Variants in CELF2 observed in about 807,000 individuals in gnomAD.
CELF2 encodes CUGBP Elav-like family member 2.
A neutral mutation model predicts 62.6 loss-of-function variants in CELF2; 8 were observed. The observed-to-expected ratio is 0.13, with a 90% CI of 0.07 to 0.23. CELF2 has a LOEUF of 0.23. Among genes scored for constraint, CELF2 ranks in the 10% least tolerant of loss-of-function variants. The pLI, the probability that CELF2 is intolerant of heterozygous loss-of-function variation, is 1.00. For missense variants in CELF2, 333 were observed against 671.0 expected (o/e 0.50, Z 5.56); for synonymous variants, 258 against 250.0 (o/e 1.03, Z -0.30).
upstream of CELF2, among the ~76,000 whole-genome samples, chr10:11,002,469 G>A (rs2054613570): frequency 6.6e-6 from 1 of 152,170 alleles, no homozygotes; most frequent in Non-Finnish European, 1.5e-5. The surrounding 1 kb of genome is among the most constrained non-coding windows in gnomAD (Gnocchi z 4.4). Flanking sequence ...ATGCTTTGCT[G>A]GGGCGAGTAT....
the CELF2 span, among the ~76,000 whole-genome samples, chr10:10,585,866 A>T: frequency 1.9e-4 from 29 of 152,300 alleles, no homozygotes; most frequent in African/African-American, 5.3e-4. Context: ...AAAATTTAGC[A>T]TGACTGTTTA....
At chr10:11,216,296 G>C (rs1331884761) in intron 2 of CELF2, among the ~76,000 whole-genome samples, 1 of 152,210 alleles carries the variant, frequency 6.6e-6, no homozygotes, top group Non-Finnish European at 1.5e-5. Flanking sequence ...GTATGAATGA[G>C]ATTATACTTT....
the CELF2 span, among the ~76,000 whole-genome samples, chr10:10,495,701 A>G: frequency 6.6e-6 from 1 of 152,174 alleles, no homozygotes; most frequent in Non-Finnish European, 1.5e-5. Flanking sequence ...CCATGACTCT[A>G]AGTGACCTTC....
chr10:10,810,600 G>A (rs1320413463), intron 1 of CELF2, among the ~76,000 whole-genome samples: 1 of 152,160 alleles, frequency 6.6e-6, no homozygotes, highest in African/African-American at 2.4e-5. Context: ...AGAGCCAGGG[G>A]CGGCTCTAAG....
At chr10:10,865,373 A>G (rs1313138670) in intron 1 of CELF2, among the ~76,000 whole-genome samples, 1 of 152,200 alleles carries the variant, frequency 6.6e-6, no homozygotes, top group African/African-American at 2.4e-5. Context: ...GTTATTACAT[A>G]TTCATCTTTT....
chr10:10,619,816 G>A, the CELF2 span, among the ~76,000 whole-genome samples: 2 of 152,142 alleles, frequency 1.3e-5, no homozygotes, highest in South Asian at 2.1e-4. Context: ...ATACCATTTG[G>A]TGCCAACATT....
chr10:10,843,951 G>A lies in CELF2; in HGVS notation c.53+45134G>A, dbSNP rs971618936. Among the ~76,000 whole-genome samples the A allele has an allele frequency of 5.7e-4, 86 of 152,022 alleles. 1 individual carries two copies. Among genetic ancestry groups the A allele is most frequent in the Middle Eastern group, 3.4e-3 (1 of 294 alleles). ...AAAACTTGTCTGAGCAGCCACTTAT[G>A]TAAGATATTGTGGAAGGGAATCATG... On this transcript the variant is annotated intron_variant, in intron 1 of 13. Coordinates refer to the CELF2 transcript ENST00000636488.
chr10:10,681,392 G>A, the CELF2 span, among the ~76,000 whole-genome samples: 3 of 152,024 alleles, frequency 2.0e-5, no homozygotes, highest in African/African-American at 7.2e-5. Context: ...CCAGGTCAGG[G>A]GTTAGTACAC....
At chr10:10,738,266 A>G in the CELF2 span, among the ~76,000 whole-genome samples, 1 of 152,264 alleles carries the variant, frequency 6.6e-6, no homozygotes, top group African/African-American at 2.4e-5. Flanking sequence ...GATGTTTAAC[A>G]TAAAAGAAAT....
At chr10:10,657,886 T>C in the CELF2 span, among the ~76,000 whole-genome samples, 1 of 152,340 alleles carries the variant, frequency 6.6e-6, no homozygotes, top group Middle Eastern at 3.4e-3. Context: ...AGTACATGTA[T>C]CCAGAAGGAT....
chr10:10,922,028 T>C (rs780539222), intron 2 of CELF2, among the ~76,000 whole-genome samples: 1 of 152,126 alleles, frequency 6.6e-6, no homozygotes, highest in Non-Finnish European at 1.5e-5. Flanking sequence ...AAAGTACAAA[T>C]TGTTGCCATC....
At chr10:10,782,122 G>A in the CELF2 span, among the ~76,000 whole-genome samples, 1 of 152,130 alleles carries the variant, frequency 6.6e-6, no homozygotes, top group South Asian at 2.1e-4. Flanking sequence ...GTATTCATGG[G>A]GGTCCTGGAA....
At chr10:10,816,794 A>C (rs2056499567) in intron 1 of CELF2, among the ~76,000 whole-genome samples, 1 of 152,244 alleles carries the variant, frequency 6.6e-6, no homozygotes, top group African/African-American at 2.4e-5. Context: ...GTCCAGGTTC[A>C]GGTAATGGAT....
intron 1 of CELF2, among the ~76,000 whole-genome samples, chr10:11,026,622 G>A (rs1438112779): frequency 6.6e-6 from 1 of 152,186 alleles, no homozygotes; most frequent in African/African-American, 2.4e-5. Context: ...GTCATAACCA[G>A]TACAGAGTAC....
chr10:10,835,451 C>T (rs1171645510), intron 1 of CELF2, among the ~76,000 whole-genome samples: 1 of 151,320 alleles, frequency 6.6e-6, no homozygotes, highest in African/African-American at 2.4e-5. Context: ...GGCGCAATCT[C>T]GGCTCACTGC....
At chr10:11,250,389 T>C (rs1435191143) in intron 4 of CELF2, among the ~76,000 whole-genome samples, 1 of 152,248 alleles carries the variant, frequency 6.6e-6, no homozygotes, top group Non-Finnish European at 1.5e-5. Flanking sequence ...ACTTTGGTGC[T>C]TTAACCACTG....
intron 1 of CELF2, among the ~76,000 whole-genome samples, chr10:10,918,977 A>G (rs767878): frequency 0.3 from 45,357 of 152,026 alleles, 7,591 homozygotes; most frequent in East Asian, 0.7. Context: ...TCTGATTGAA[A>G]GACAAGAGAT....
At chr10:10,572,989 C>A in the CELF2 span, among the ~76,000 whole-genome samples, 1 of 152,180 alleles carries the variant, frequency 6.6e-6, no homozygotes, top group African/African-American at 2.4e-5. Flanking sequence ...AGTGTAAAAG[C>A]ATTCCTATTT....
chr10:11,263,849 A>G (rs2081421057), intron 5 of CELF2, among the ~76,000 whole-genome samples: 1 of 152,238 alleles, frequency 6.6e-6, no homozygotes, highest in South Asian at 2.1e-4. Flanking sequence ...TAGAGAAATT[A>G]CAGTGGTTAA....
Sources: allele counts gnomAD v4.1 joint callset (sites outside exome capture counted in the v4.1 genomes callset), GRCh38; gene constraint gnomAD v4.1.1; non-coding constraint Gnocchi (gnomAD v3.1); transcripts MANE v1.5; gene names NCBI Gene and HGNC (gene_info 2026-07-23, HGNC 2026-07-21).